Variants in RALGPS1 observed in about 807,000 individuals in gnomAD.
The protein encoded by RALGPS1 is ras-specific guanine nucleotide-releasing factor RalGPS1.
In RALGPS1, 19 loss-of-function variants were observed where a neutral mutation model predicts 78.8. That is an observed-to-expected ratio of 0.24 (90% CI 0.17 to 0.35). The LOEUF (loss-of-function observed/expected upper bound fraction) is 0.35, where lower values mean the gene tolerates loss of function less well. Among genes scored for constraint, RALGPS1 ranks in the 10% least tolerant of loss-of-function variants. RALGPS1 has a pLI of 1.00. For synonymous variants in RALGPS1, 228 were observed against 256.3 expected, an observed-to-expected ratio of 0.89 and a Z score of 1.06; for missense variants, 454 against 688.3, an observed-to-expected ratio of 0.66 and a Z score of 3.81.
intron 8 of RALGPS1, among the ~76,000 whole-genome samples, chr9:127,149,544 TC>T (rs61316425): frequency 0.04 from 6,116 of 152,268 alleles, 420 homozygotes; most frequent in African/African-American, 0.14. Flanking sequence ...ATGTTTCCAG[TC>T]CCCAGCAGGA....
At chr9:126,928,473 C>T (rs960055363) in intron 1 of RALGPS1, among the ~76,000 whole-genome samples, 1 of 152,066 alleles carries the variant, frequency 6.6e-6, no homozygotes, top group Non-Finnish European at 1.5e-5. Context: ...GATATGTGTA[C>T]CAGTACAGAA....
In RALGPS1 at chr9:127,071,257, A is replaced by G. The variant is rs566491496; in HGVS notation, c.610+1901A>G. ...GTCTATTGGTCTTTCCAAAGATTAAATTTTGGATTTGTTTTCAGTCACACT... is the reference window on the plus strand; with the variant it reads ...GTCTATTGGTCTTTCCAAAGATTAAGTTTTGGATTTGTTTTCAGTCACACT... On this transcript the variant is annotated intron_variant, in intron 8 of 18. Coordinates refer to ENST00000259351, the MANE Select transcript of RALGPS1 (RefSeq NM_014636.3). 1.3e-4 allele frequency among the ~76,000 whole-genome samples: 20 copies of G among 152,084 alleles called. No individual in the cohort carries two copies. The South Asian group carries it at 3.5e-3, about 27-fold the overall frequency.
chr9:127,012,510 C>T (rs918449716), intron 4 of RALGPS1, among the ~76,000 whole-genome samples: 1 of 152,202 alleles, frequency 6.6e-6, no homozygotes, highest in African/African-American at 2.4e-5. Flanking sequence ...CCCCTTGGTC[C>T]ATTTCAGACC....
intron 1 of RALGPS1, among the ~76,000 whole-genome samples, chr9:126,958,142 A>AAAAAATAT (rs113413659): frequency 2.6e-5 from 2 of 77,082 alleles, no homozygotes; most frequent in African/African-American, 8.1e-5. Context: ...AAAAAAAAAA[A>AAAAAATAT]ATATATATAT....
At chr9:127,191,447 A>G (rs1380677751) in intron 11 of RALGPS1, among the ~76,000 whole-genome samples, 1 of 152,158 alleles carries the variant, frequency 6.6e-6, no homozygotes, top group Non-Finnish European at 1.5e-5. Context: ...CTCATCCTGA[A>G]AAGTTCCTCC....
In RALGPS1 at chr9:127,090,459, G is replaced by A. The variant is rs114942564; in HGVS notation, c.610+21103G>A. Among the ~76,000 whole-genome samples the A allele has an allele frequency of 4.7e-3, 715 of 152,368 alleles. 7 individuals are homozygous for A. The highest frequency in any genetic ancestry group is 0.016 in the African/African-American group (684 of 41,594). Reference sequence around the variant, plus strand: ...GGCCCCTTCGGGCCAGGCCAGTTCAGTGTCAGTGGGCGGACAGAGGTGTCT... The same window carrying A: ...GGCCCCTTCGGGCCAGGCCAGTTCAATGTCAGTGGGCGGACAGAGGTGTCT... On this transcript the variant is annotated intron_variant, in intron 8 of 18. Coordinates refer to ENST00000259351, the MANE Select transcript of RALGPS1 (RefSeq NM_014636.3).
intron 8 of RALGPS1, among the ~76,000 whole-genome samples, chr9:127,094,166 G>GT (rs1183904647): frequency 6.6e-6 from 1 of 152,138 alleles, no homozygotes; most frequent in African/African-American, 2.4e-5. Flanking sequence ...CCGCCTCACA[G>GT]TTTGACTTTT....
intron 11 of RALGPS1, among the ~76,000 whole-genome samples, chr9:127,185,676 TG>T: frequency 6.6e-6 from 1 of 152,352 alleles, no homozygotes; most frequent in Non-Finnish European, 1.5e-5. Context: ...CTGGTGTAGT[TG>T]TTGCCTTTAC....
At chr9:127,124,014 CT>C (rs1195885428) in intron 8 of RALGPS1, among the ~76,000 whole-genome samples, 6 of 152,174 alleles carry the variant, frequency 3.9e-5, no homozygotes, top group Admixed American at 3.9e-4. Flanking sequence ...CTCCCTGCCC[CT>C]AGGCATCCTC....
intron 4 of RALGPS1, among the ~76,000 whole-genome samples, chr9:127,033,513 A>G (rs570765230): frequency 6.6e-6 from 1 of 152,340 alleles, no homozygotes; most frequent in South Asian, 2.1e-4. Context: ...CTCTAGGTCA[A>G]TGGCAAAAAA....
intron 1 of RALGPS1, among the ~76,000 whole-genome samples, chr9:126,929,728 T>A (rs2035626141): frequency 6.6e-6 from 1 of 152,166 alleles, no homozygotes; most frequent in African/African-American, 2.4e-5. Context: ...CCTCCCAAAG[T>A]GCTGGGATTA....
chr9:127,149,896 T>A (rs1184733961), intron 8 of RALGPS1, among the ~76,000 whole-genome samples: 2 of 152,222 alleles, frequency 1.3e-5, no homozygotes, highest in Admixed American at 6.5e-5. Flanking sequence ...GCTGAGGAGA[T>A]GGCTCAGGTC....
intron 4 of RALGPS1, among the ~76,000 whole-genome samples, chr9:127,010,645 TGC>T (rs2044255429): frequency 6.6e-6 from 1 of 152,200 alleles, no homozygotes; most frequent in Non-Finnish European, 1.5e-5. Flanking sequence ...GTTCATATTG[TGC>T]TGGCTTCTGA....
intron 1 of RALGPS1, among the ~76,000 whole-genome samples, chr9:126,949,585 T>G (rs1406540886): frequency 6.6e-6 from 1 of 152,184 alleles, no homozygotes; most frequent in Non-Finnish European, 1.5e-5. Context: ...ATTTTTTCAT[T>G]TGTCTTTTGG....
intron 4 of RALGPS1, among the ~76,000 whole-genome samples, chr9:127,029,588 C>T (rs199640234): frequency 6.6e-6 from 1 of 152,220 alleles, no homozygotes; most frequent in East Asian, 1.9e-4. Context: ...GTGACTTGCC[C>T]TTGAGGCAAT....
At chr9:127,053,317 G>GTC (rs1413675067) in intron 7 of RALGPS1, among the ~76,000 whole-genome samples, 1 of 152,144 alleles carries the variant, frequency 6.6e-6, no homozygotes, top group Non-Finnish European at 1.5e-5. Context: ...GCTGCCCTGG[G>GTC]TCACTAGCCA....
At chr9:126,995,809 A>G (rs2042692828) in intron 4 of RALGPS1, among the ~76,000 whole-genome samples, 1 of 152,228 alleles carries the variant, frequency 6.6e-6, no homozygotes, top group Non-Finnish European at 1.5e-5. Flanking sequence ...AATGTAAAAG[A>G]ACAGAAATTA....
chr9:126,999,628 T>G (rs969288809), intron 4 of RALGPS1, among the ~76,000 whole-genome samples: 1 of 152,244 alleles, frequency 6.6e-6, no homozygotes, highest in African/African-American at 2.4e-5. Flanking sequence ...AGCATTTATG[T>G]TTTCTTCATG....
chr9:126,978,741 C>A (rs2040930170), intron 4 of RALGPS1, among the ~76,000 whole-genome samples: 1 of 152,182 alleles, frequency 6.6e-6, no homozygotes. Flanking sequence ...CTACTTCCTG[C>A]TCCGCTTTTA....
Sources: allele counts gnomAD v4.1 joint callset (sites outside exome capture counted in the v4.1 genomes callset), GRCh38; gene constraint gnomAD v4.1.1; transcripts MANE v1.5; gene names NCBI Gene and HGNC (gene_info 2026-07-23, HGNC 2026-07-21).